ANKRD42: variants seen among roughly 807,000 people sequenced by gnomAD.
ANKRD42 encodes ankyrin repeat domain-containing protein 42.
ANKRD42 carries 43 observed loss-of-function variants against 51.5 expected under a neutral mutation model. The ratio of observed to expected loss-of-function variants is 0.83; its 90% CI spans 0.65 to 1.08. The LOEUF is 1.08. ANKRD42 is among the 50% of genes least tolerant of loss of function. The pLI, the probability that ANKRD42 is intolerant of heterozygous loss-of-function variation, is 0.00. For synonymous variants in ANKRD42, 203 were observed against 213.0 expected (o/e 0.95, Z 0.41); for missense variants, 608 against 629.3 (o/e 0.97, Z 0.36).
chr11:83,224,924 C>T lies in ANKRD42; in HGVS notation c.656C>T (p.Thr219Met), dbSNP rs149777015. ...KFLVSRMSSA[T>M]QVLKAFNDNG... ...CTAGTCAGTAGAATGAGCAGTGCGA[C>T]GCAAGTTTTAAAAGCTTTCAATGAT... The change falls in exon 6 of 11, where the codon ACG (threonine) becomes ATG (methionine). Residue 219 changes from threonine (T) to methionine (M), a missense_variant. Physicochemically the swap from Thr to Met is moderately conservative, Grantham distance 81. Transcript: ENST00000533342. 2.2e-4 allele frequency: 354 copies of T among 1,613,052 alleles called. No individual in the cohort carries two copies. Among genetic ancestry groups the T allele is most frequent in the East Asian group, 4.7e-4 (21 of 44,854 alleles).
chr11:83,229,634 GT>G (rs1863006892), intron 7 of ANKRD42, among the ~76,000 whole-genome samples: 1 of 152,152 alleles, frequency 6.6e-6, no homozygotes, highest in Non-Finnish European at 1.5e-5. Flanking sequence ...TAAAGAGACT[GT>G]TCTACAACAA....
At chr11:83,259,411 TTC>T (rs943494600), downstream of ANKRD42, 1 of 152,218 alleles carries the variant, frequency 6.6e-6, no homozygotes, top group Non-Finnish European at 1.5e-5. Flanking sequence ...ATTTCTATTC[TTC>T]TGTTATTGGA....
rs771404291 is a variant in ANKRD42 at position 83,194,451 on chromosome 11, C to T, written c.-220C>T. ...CTGGTGTGAGCGGCAGTGAAGACGCCAGCTACCGCTTCAGTGGCTTTTGGG... is the reference window on the plus strand; with the variant it reads ...CTGGTGTGAGCGGCAGTGAAGACGCTAGCTACCGCTTCAGTGGCTTTTGGG... On this transcript the variant is annotated 5_prime_UTR_variant, in exon 1 of 11. Coordinates refer to ENST00000533342, the MANE Select transcript of ANKRD42 (RefSeq NM_001300975.2). 4 of 697,940 alleles carry T rather than the reference C, an allele frequency of 5.7e-6. No homozygotes were observed. The South Asian group carries it at 6.0e-5, about 10-fold the overall frequency. 43.2% of individuals were successfully genotyped at this position (697,940 alleles called of 1,614,324 possible). A position where few individuals can be genotyped will look rare whatever the true frequency, so the allele number is the denominator to read the frequency against.
intron 2 of ANKRD42, among the ~76,000 whole-genome samples, chr11:83,200,323 T>C (rs561797783): frequency 1.3e-5 from 2 of 151,202 alleles, no homozygotes; most frequent in Admixed American, 6.6e-5. Flanking sequence ...TTAAACTTCT[T>C]TGGCTTTATC....
chr11:83,224,195 A>C (rs748356231), intron 5 of ANKRD42, among the ~76,000 whole-genome samples: 1 of 149,710 alleles, frequency 6.7e-6, no homozygotes, highest in Non-Finnish European at 1.5e-5. Flanking sequence ...AGAATAAATT[A>C]TTATAGAAAA....
chr11:83,205,991 C>A (rs1454457185), intron 2 of ANKRD42, 67 bp from the exon 3 acceptor site: 5 of 1,383,710 alleles, frequency 3.6e-6, no homozygotes, highest in South Asian at 1.2e-5. Flanking sequence ...GATAACAGAC[C>A]AAATTTAAAA....
At chr11:83,230,667 A>G (rs1341026002) in intron 7 of ANKRD42, among the ~76,000 whole-genome samples, 2 of 151,908 alleles carry the variant, frequency 1.3e-5, no homozygotes, top group African/African-American at 4.8e-5. Flanking sequence ...GCTCACCGCA[A>G]CCTATTTCTC....
chr11:83,232,843 T>C (rs1280315622), intron 7 of ANKRD42, among the ~76,000 whole-genome samples: 1 of 152,230 alleles, frequency 6.6e-6, no homozygotes, highest in Non-Finnish European at 1.5e-5. Context: ...AATGATCATA[T>C]ATGGTTTCTG....
At chr11:83,210,152 TTA>T (rs1862253447) in intron 3 of ANKRD42, 146 bp from the exon 4 acceptor site, 2 of 681,934 alleles carry the variant, frequency 2.9e-6, no homozygotes, top group Non-Finnish European at 4.5e-6. Context: ...TGAGAATTTC[TTA>T]TGTTTTGCCT....
At chr11:83,255,133 T>C (rs1266922475) in intron 11 of ANKRD42, among the ~76,000 whole-genome samples, 2 of 152,242 alleles carry the variant, frequency 1.3e-5, no homozygotes, top group Non-Finnish European at 2.9e-5. Context: ...CCTTTTGCTG[T>C]TCTTGGAGCC....
At chr11:83,253,977 C>G (rs1299068183) in intron 11 of ANKRD42, among the ~76,000 whole-genome samples, 2 of 152,020 alleles carry the variant, frequency 1.3e-5, no homozygotes, top group Non-Finnish European at 2.9e-5. Context: ...CTTTGGAAGT[C>G]TTTAATTAAT....
rs1188570940 is a variant in ANKRD42 at position 83,248,283 on chromosome 11, A to T, written c.*79A>T. The stretch of plus-strand genomic sequence containing the variant: ...ACTTATACTTTCTAGAGCTGATGAC[A>T]GGATTAAAGGAATACACACACACAC... On this transcript the variant is annotated 3_prime_UTR_variant, in exon 11 of 11. Transcript: ENST00000533342. The T allele has an allele frequency of 1.4e-6, 2 of 1,411,302 alleles. No homozygotes were observed. The highest frequency in any genetic ancestry group is 3.2e-5 in the African/African-American group (2 of 62,716). 87.4% of individuals were successfully genotyped at this position (1,411,302 alleles called of 1,614,324 possible).
At chr11:83,245,843 C>T (rs1370667643) in intron 10 of ANKRD42, among the ~76,000 whole-genome samples, 1 of 152,136 alleles carries the variant, frequency 6.6e-6, no homozygotes, top group Non-Finnish European at 1.5e-5. Flanking sequence ...TTTAAGTATA[C>T]GGTTCAGTAG....
intron 7 of ANKRD42, 65 bp downstream of exon 7, chr11:83,227,937 A>G: frequency 6.6e-7 from 1 of 1,517,198 alleles, no homozygotes; most frequent in Admixed American, 2.3e-5. Flanking sequence ...CTTTTAAAGT[A>G]ATTATCAGTC....
downstream of ANKRD42, among the ~76,000 whole-genome samples, chr11:83,249,958 A>G (rs1863645595): frequency 6.6e-6 from 1 of 152,224 alleles, no homozygotes; most frequent in Admixed American, 6.5e-5. Flanking sequence ...ACTATATAGT[A>G]GTAGTCATTG....
downstream of ANKRD42, among the ~76,000 whole-genome samples, chr11:83,251,330 G>T (rs1206658484): frequency 5.3e-5 from 8 of 152,172 alleles, no homozygotes; most frequent in African/African-American, 1.9e-4. Context: ...CAGCATGATT[G>T]GGCACTTACT....
chr11:83,255,673 A>AATAATATT (rs1863758028), intron 11 of ANKRD42, among the ~76,000 whole-genome samples: 1 of 152,198 alleles, frequency 6.6e-6, no homozygotes, highest in Admixed American at 6.5e-5. Flanking sequence ...AATATAATGC[A>AATAATATT]CTGTTACTTC....
chr11:83,202,952 A>G (rs1399619999), intron 2 of ANKRD42, among the ~76,000 whole-genome samples: 3 of 150,994 alleles, frequency 2.0e-5, no homozygotes, highest in African/African-American at 7.3e-5. Flanking sequence ...AGTGTCTAGC[A>G]CAGTGCCTAG....
At chr11:83,208,100 T>C (rs769633948) in intron 3 of ANKRD42, among the ~76,000 whole-genome samples, 1 of 152,170 alleles carries the variant, frequency 6.6e-6, no homozygotes, top group South Asian at 2.1e-4. Context: ...CATGACTCAC[T>C]GCAGCATCAA....
Sources: allele counts gnomAD v4.1 joint callset (sites outside exome capture counted in the v4.1 genomes callset), GRCh38; gene constraint gnomAD v4.1.1; transcripts MANE v1.5; gene names NCBI Gene and HGNC (gene_info 2026-07-23, HGNC 2026-07-21).